MDN1: variants seen among roughly 807,000 people sequenced by gnomAD.
The protein encoded by MDN1 is midasin AAA ATPase 1.
In MDN1, 266 loss-of-function variants were observed where a neutral mutation model predicts 669.2. That is an observed-to-expected ratio of 0.40 (90% CI 0.36 to 0.44). MDN1 has a LOEUF of 0.44. MDN1 is among the 20% of genes least tolerant of loss of function. MDN1 has a pLI of 1.00. For missense variants in MDN1, 5,940 were observed against 6,754.0 expected, an observed-to-expected ratio of 0.88 and a Z score of 4.22; for synonymous variants, 2,385 against 2,457.1, an observed-to-expected ratio of 0.97 and a Z score of 0.87.
intron 76 of MDN1, 77 bp from the exon 77 acceptor site, chr6:89,676,284 G>C (rs1337021237): frequency 1.5e-6 from 2 of 1,308,778 alleles, no homozygotes; most frequent in Non-Finnish European, 2.2e-6. Context: ...TCAGATATTG[G>C]TATATTTGGC....
chr6:89,660,276 C>T (rs1200858561), intron 88 of MDN1, among the ~76,000 whole-genome samples: 1 of 152,144 alleles, frequency 6.6e-6, no homozygotes, highest in Non-Finnish European at 1.5e-5. Flanking sequence ...GCCTCAACCT[C>T]CTGAGCTCAA....
At chr6:89,788,208 A>G (rs1819069189) in intron 7 of MDN1, among the ~76,000 whole-genome samples, 2 of 152,170 alleles carry the variant, frequency 1.3e-5, no homozygotes, top group Non-Finnish European at 2.9e-5. Flanking sequence ...TACAGACAGG[A>G]CCAAGGCTTT....
intron 55 of MDN1, 43 bp from the exon 56 acceptor site, chr6:89,700,899 T>C (rs771637207): frequency 5.7e-6 from 9 of 1,574,546 alleles, no homozygotes; most frequent in Non-Finnish European, 7.8e-6. Flanking sequence ...AGAGCACAAA[T>C]GTGGTTTTCT....
At chr6:89,699,072 G>A (rs537440370) in intron 58 of MDN1, 37 bp from the exon 59 acceptor site, 21 of 1,516,596 alleles carry the variant, frequency 1.4e-5, no homozygotes, top group Non-Finnish European at 1.9e-5. Context: ...GAGAATACCT[G>A]AGAAAGACTC....
intron 19 of MDN1, among the ~76,000 whole-genome samples, chr6:89,756,742 G>A (rs1817270347): frequency 6.6e-6 from 1 of 152,056 alleles, no homozygotes; most frequent in Non-Finnish European, 1.5e-5. Context: ...CTAACATGGT[G>A]AAACCCCGTC....
chr6:89,771,688 C>T, intron 14 of MDN1, 67 bp from the exon 15 acceptor site: 2 of 1,362,290 alleles, frequency 1.5e-6, no homozygotes, highest in Non-Finnish European at 2.1e-6. Flanking sequence ...CAGTGTGCTC[C>T]TTAAGGCTGT....
intron 15 of MDN1, among the ~76,000 whole-genome samples, chr6:89,767,279 A>G (rs1246311158): frequency 1.3e-5 from 2 of 152,262 alleles, no homozygotes; most frequent in Non-Finnish European, 2.9e-5. Context: ...AAATGAAGGA[A>G]AAAGACATAT....
chr6:89,652,281 G>A lies in MDN1; in HGVS notation c.15826C>T (p.Pro5276Ser), dbSNP rs1298815993. The stretch of plus-strand genomic sequence containing the variant: ...AGCTCATTGACATCTTTTAAAAAGG[G>A]CTAAAAAGAAAAAGCCATAGATAAG... ...HQFLMDTIFQ[P>S]FLKDVNELRQ... is the part of the protein sequence containing the mutation. The change falls in exon 95 of 102, where the codon CCC (proline) becomes TCC (serine). Residue 5276 changes from proline (P) to serine (S), a missense_variant and splice_region_variant. Physicochemically the swap from Pro to Ser is moderately conservative, Grantham distance 74. This residue lies in a region of MDN1 where 2,280 missense variants were observed against 2,576.3 expected (regional missense o/e 0.88). Transcript: ENST00000369393. 1 of 1,611,798 alleles carries A rather than the reference G, an allele frequency of 6.2e-7. No homozygotes were observed. Among genetic ancestry groups the A allele is most frequent in the Admixed American group, 1.7e-5 (1 of 59,298 alleles).
Position 89,761,679 on chromosome 6 carries a change from A to C in MDN1, c.2426T>G (p.Met809Arg). The C allele has an allele frequency of 6.2e-7, 1 of 1,612,464 alleles. No homozygotes were observed. The change falls in exon 17 of 102, where the codon ATG becomes AGG. Residue 809 changes from methionine to arginine, a missense_variant. Met to Arg is a moderately conservative substitution (Grantham distance 91, BLOSUM62 -1). Transcript: ENST00000369393. ...TGCGAACAATAAGGTATTTTCAGTC[A>C]TTTTCATCTGTTGTTGGGCATGGTT... ...RLNHAQQQMKMTENTLLFAFV... is the reference protein window; with the variant it reads ...RLNHAQQQMKRTENTLLFAFV...
intron 33 of MDN1, among the ~76,000 whole-genome samples, 181 bp downstream of exon 33, chr6:89,738,144 CT>C (rs1392354550): frequency 6.6e-6 from 1 of 152,200 alleles, no homozygotes; most frequent in Non-Finnish European, 1.5e-5. Context: ...AGATGGGACA[CT>C]TTAACAGAAG....
intron 17 of MDN1, among the ~76,000 whole-genome samples, chr6:89,759,609 C>A (rs1007378673): frequency 1.4e-4 from 22 of 151,960 alleles, no homozygotes; most frequent in African/African-American, 5.3e-4. Context: ...ACTAAAAATA[C>A]AAAAAATAGC....
At chr6:89,687,110 T>G in intron 68 of MDN1, 87 bp from the exon 69 acceptor site, 1 of 1,557,526 alleles carries the variant, frequency 6.4e-7, no homozygotes, top group Non-Finnish European at 8.7e-7. Context: ...ATGCTCACAT[T>G]TCTCTCCTCC....
At chr6:89,797,492 G>A (rs1819670909) in intron 2 of MDN1, 3 of 244,588 alleles carry the variant, frequency 1.2e-5, no homozygotes, top group South Asian at 8.7e-5. Flanking sequence ...AAAGGTATGT[G>A]GTTGTTGGCT....
At chr6:89,794,047 GAAAAA>G (rs539305407) in intron 4 of MDN1, 48 bp downstream of exon 4, 4 of 1,097,338 alleles carry the variant, frequency 3.6e-6, no homozygotes, top group Non-Finnish European at 5.0e-6. Context: ...CCCCAGAAAA[GAAAAA>G]AAAAAAAGAA....
At position 89,789,866 on chromosome 6, in the gene MDN1, CA is replaced by C. The variant is rs1385803070; in HGVS notation, c.1143del (p.Phe381LeufsTer8). On this transcript the variant is annotated frameshift_variant, in exon 7 of 102. Coordinates refer to ENST00000369393, the MANE Select transcript of MDN1 (RefSeq NM_014611.3). LOFTEE classifies it high-confidence loss of function. Reference protein sequence around the residue: ...MYRCTDVPGEFVWQPGTLTQA... With the variant: ...MYRCTDVPGEXVWQPGTLTQA... Reference sequence around the variant, plus strand: ...TGTGTCAGGGTGCCAGGCTGCCACACAAACTCTCCAGGAACATCTGTGCAGC... The same window carrying C: ...TGTGTCAGGGTGCCAGGCTGCCACACAACTCTCCAGGAACATCTGTGCAGC... The C allele has an allele frequency of 6.2e-7, 1 of 1,614,096 alleles. No homozygotes were observed. Among genetic ancestry groups the C allele is most frequent in the Non-Finnish European group, 8.5e-7 (1 of 1,180,012 alleles).
intron 17 of MDN1, among the ~76,000 whole-genome samples, chr6:89,761,124 C>A (rs949444178): frequency 1.2e-4 from 18 of 152,062 alleles, no homozygotes; most frequent in African/African-American, 4.1e-4. Context: ...CGAGACTGTG[C>A]CACTGCACTC....
intron 15 of MDN1, among the ~76,000 whole-genome samples, chr6:89,764,999 G>A (rs372623202): frequency 9.9e-5 from 15 of 152,082 alleles, no homozygotes; most frequent in African/African-American, 3.1e-4. Context: ...TGGCTCACGC[G>A]GTGGCCCAGC....
chr6:89,790,604 T>TG (rs2128326517), intron 5 of MDN1, among the ~76,000 whole-genome samples: 1 of 152,278 alleles, frequency 6.6e-6, no homozygotes, highest in East Asian at 1.9e-4. Context: ...CTACTGGAAG[T>TG]GCTGAGGTGG....
chr6:89,670,151 TATATATATATATATATATA>T (rs1810568659), intron 83 of MDN1, among the ~76,000 whole-genome samples: 2 of 22,390 alleles, frequency 8.9e-5, no homozygotes, highest in African/African-American at 2.9e-4. Context: ...TATATATATA[TATATATATATATATATATA>T]TTTTTTTTTT....
Sources: gnomAD v4.1 joint callset for allele counts (sites outside exome capture counted in the v4.1 genomes callset) on GRCh38, gnomAD v4.1.1 for gene constraint, gnomAD v4.1.1 regional missense constraint, MANE v1.5 for transcripts, NCBI Gene and HGNC (gene_info 2026-07-23, HGNC 2026-07-21) for gene names.